The following C15orf40 variants were observed in gnomAD, a reference collection of about 807,000 sequenced individuals.
C15orf40 encodes UPF0235 protein C15orf40.
A neutral mutation model predicts 13.9 loss-of-function variants in C15orf40; 9 were observed. The observed-to-expected ratio is 0.65, with a 90% CI of 0.39 to 1.13. C15orf40 has a LOEUF of 1.13. Among genes scored for constraint, C15orf40 ranks in the 50% most tolerant of loss-of-function variants. C15orf40 has a pLI of 0.01. For synonymous variants in C15orf40, 95 were observed against 69.2 expected, an observed-to-expected ratio of 1.37 and a Z score of -1.85; for missense variants, 225 against 188.5, an observed-to-expected ratio of 1.19 and a Z score of -1.13.
In C15orf40 at chr15:83,001,038, C is replaced by T. The variant is rs546546538; in HGVS notation, c.*4559G>A. On this transcript the variant is annotated 3_prime_UTR_variant, in exon 4 of 4. Transcript: ENST00000304177. ...ATATTGGTCAGGCTGGTCTTAAACT[C>T]CTGACTTCAAGTGATCCACCCGCCT... The T allele has an allele frequency of 1.2e-6, 1 of 850,206 alleles. No homozygotes were observed. The highest frequency in any genetic ancestry group is 1.8e-5 in the African/African-American group (1 of 54,506). The allele number at this position is 850,206 out of a possible 1,614,324, so 52.7% of individuals were successfully genotyped here. A position where few individuals can be genotyped will look rare whatever the true frequency, so the allele number is the denominator to read the frequency against.
downstream of C15orf40, among the ~76,000 whole-genome samples, chr15:82,992,931 TAC>T (rs1334986249): frequency 1.3e-5 from 2 of 152,142 alleles, no homozygotes; most frequent in Non-Finnish European, 2.9e-5. Context: ...AAATAAAAGG[TAC>T]AGTTTCTGCT....
intron 1 of C15orf40, 21 bp downstream of exon 1, chr15:83,011,476 G>T: frequency 6.3e-7 from 1 of 1,588,218 alleles, no homozygotes; most frequent in Non-Finnish European, 8.6e-7. Flanking sequence ...CCCCTCTGCC[G>T]CCACGGGACC....
chr15:82,992,342 C>T (rs779317167), downstream of C15orf40, among the ~76,000 whole-genome samples: 2 of 152,064 alleles, frequency 1.3e-5, no homozygotes, highest in Non-Finnish European at 2.9e-5. Flanking sequence ...ATGGTGAAAT[C>T]CTGTCTCTAT....
At position 83,003,938 on chromosome 15, in the gene C15orf40, G is replaced by A. The variant is rs933448484; in HGVS notation, c.*1659C>T. 6.6e-6 allele frequency: 1 copy of A among 152,086 alleles called. No individual in the cohort carries two copies. The highest frequency in any genetic ancestry group is 2.4e-5 in the African/African-American group (1 of 41,414). The allele number at this position is 152,086 out of a possible 1,614,324, so 9.4% of individuals were successfully genotyped here. A position where few individuals can be genotyped will look rare whatever the true frequency, so the allele number is the denominator to read the frequency against. On this transcript the variant is annotated 3_prime_UTR_variant, in exon 4 of 4. Coordinates refer to ENST00000304177, the MANE Select transcript of C15orf40 (RefSeq NM_144597.3). ...AGTTTTTATATTTTTAGTAGAGATGGGGTTTTACTATGTTGGCCGGGCTGG... is the reference window on the plus strand; with the variant it reads ...AGTTTTTATATTTTTAGTAGAGATGAGGTTTTACTATGTTGGCCGGGCTGG...
rs1445458142 is a variant in C15orf40 at position 83,004,455 on chromosome 15, G to A, written c.*1142C>T. 4 of 844,964 alleles carry A rather than the reference G, an allele frequency of 4.7e-6. No homozygotes were observed. In the South Asian group the frequency reaches 2.2e-4, roughly 46 times the overall value. 52.3% of individuals were successfully genotyped at this position (844,964 alleles called of 1,614,324 possible). A position where few individuals can be genotyped will look rare whatever the true frequency, so the allele number is the denominator to read the frequency against. ...ATAAATTACTATAACTTGACCTGAA[G>A]ATGTAAAAATATATTATTAGCTTTT... On this transcript the variant is annotated 3_prime_UTR_variant, in exon 4 of 4. Transcript: ENST00000304177.
Position 82,998,032 on chromosome 15 carries a change from C to G in C15orf40, c.*7565G>C, listed in dbSNP as rs1308460746. ...GGGGCTGACCCCCCCACCTCCCTCC[C>G]GGACGGGGCGGCTGACCCCCCATCT... On this transcript the variant is annotated 3_prime_UTR_variant, in exon 4 of 4. Coordinates refer to ENST00000304177, the MANE Select transcript of C15orf40 (RefSeq NM_144597.3). The G allele has an allele frequency of 6.8e-6, 1 of 146,080 alleles. No homozygotes were observed. Among genetic ancestry groups the G allele is most frequent in the Non-Finnish European group, 1.5e-5 (1 of 67,016 alleles). The allele number at this position is 146,080 out of a possible 1,614,324, so 9.0% of individuals were successfully genotyped here. A position where few individuals can be genotyped will look rare whatever the true frequency, so the allele number is the denominator to read the frequency against.
intron 2 of C15orf40, among the ~76,000 whole-genome samples, chr15:83,009,529 G>A (rs886668659): frequency 2.6e-5 from 4 of 152,182 alleles, no homozygotes; most frequent in African/African-American, 7.2e-5. Flanking sequence ...GAGCTTTAGA[G>A]GTGAAAAAGA....
chr15:83,001,047 A>T lies in C15orf40; in HGVS notation c.*4550T>A. 1.1e-6 allele frequency: 1 copy of T among 910,816 alleles called. No individual in the cohort carries two copies. Among genetic ancestry groups the T allele is most frequent in the Non-Finnish European group, 1.3e-6 (1 of 761,800 alleles). The allele number at this position is 910,816 out of a possible 1,614,324, so 56.4% of individuals were successfully genotyped here. A position where few individuals can be genotyped will look rare whatever the true frequency, so the allele number is the denominator to read the frequency against. Reference sequence around the variant, plus strand: ...AGGCTGGTCTTAAACTCCTGACTTCAAGTGATCCACCCGCCTCAGCCTCCC... The same window carrying T: ...AGGCTGGTCTTAAACTCCTGACTTCTAGTGATCCACCCGCCTCAGCCTCCC... On this transcript the variant is annotated 3_prime_UTR_variant, in exon 4 of 4. Transcript: ENST00000304177.
At chr15:82,993,887 G>T (rs978356803), downstream of C15orf40, among the ~76,000 whole-genome samples, 1 of 152,226 alleles carries the variant, frequency 6.6e-6, no homozygotes. Flanking sequence ...AATGTCAAAT[G>T]TTAATTACTG....
At chr15:82,989,892 A>G (rs1235048179), downstream of C15orf40, 1 of 1,612,516 alleles carries the variant, frequency 6.2e-7, no homozygotes, top group Admixed American at 1.7e-5. Context: ...TTGCAAGACA[A>G]CAGACAGTTC....
chr15:82,992,153 A>T, downstream of C15orf40: 1 of 365,496 alleles, frequency 2.7e-6, no homozygotes. Flanking sequence ...GAAGAGTTCA[A>T]GACTACAGTG....
downstream of C15orf40, among the ~76,000 whole-genome samples, chr15:82,993,927 C>A (rs2030955608): frequency 6.6e-6 from 1 of 152,120 alleles, no homozygotes. Flanking sequence ...CTTTTGAGAA[C>A]AGGATGCTGG....
At chr15:83,010,035 C>T (rs569525190) in intron 2 of C15orf40, among the ~76,000 whole-genome samples, 4 of 152,310 alleles carry the variant, frequency 2.6e-5, no homozygotes, top group South Asian at 2.1e-4. Flanking sequence ...CAATGGTTTT[C>T]GTGTAACTTG....
chr15:82,989,325 A>G (rs2030759175), downstream of C15orf40: 3 of 671,336 alleles, frequency 4.5e-6, no homozygotes, highest in Non-Finnish European at 6.8e-6. Flanking sequence ...AGTACCTGGT[A>G]CATCATTTCT....
chr15:82,998,776 G>C lies in C15orf40; in HGVS notation c.*6821C>G, dbSNP rs1343202507. The C allele has an allele frequency of 1.5e-5, 1 of 65,688 alleles. No individual in the cohort carries two copies. The highest frequency in any genetic ancestry group is 2.8e-5 in the Non-Finnish European group (1 of 35,388). 4.1% of individuals were successfully genotyped at this position (65,688 alleles called of 1,614,324 possible). ...TCACTTCCCAGACGGGGTGGCGGCC[G>C]GGCAGAGGCTGCAATCTCGGCACTT... On this transcript the variant is annotated 3_prime_UTR_variant, in exon 4 of 4. Coordinates refer to ENST00000304177, the MANE Select transcript of C15orf40 (RefSeq NM_144597.3).
intron 2 of C15orf40, among the ~76,000 whole-genome samples, chr15:83,009,219 A>C (rs1481912651): frequency 6.6e-6 from 1 of 152,254 alleles, no homozygotes; most frequent in Non-Finnish European, 1.5e-5. Flanking sequence ...CACCAATTTT[A>C]AGCACACACA....
At chr15:83,006,762 C>T (rs2031708114) in intron 3 of C15orf40, among the ~76,000 whole-genome samples, 1 of 152,066 alleles carries the variant, frequency 6.6e-6, no homozygotes, top group Admixed American at 6.6e-5. Context: ...GCGAAAACAC[C>T]GTCCCAAAAG....
rs2031081657 is a variant in C15orf40, at chr15:82,996,480, A to C, written c.*9117T>G. The C allele has an allele frequency of 6.6e-6, 1 of 151,974 alleles. No homozygotes were observed. The highest frequency in any genetic ancestry group is 2.4e-5 in the African/African-American group (1 of 41,350). The allele number at this position is 151,974 out of a possible 1,614,324, so 9.4% of individuals were successfully genotyped here. On this transcript the variant is annotated 3_prime_UTR_variant, in exon 4 of 4. Transcript: ENST00000304177. ...ACGGTGAAACCCCGTCTCTACTAAA[A>C]ATACAAAAAGAAATTAGCCGGGCGT...
chr15:82,990,773 AAAAT>A (rs1187061287), downstream of C15orf40: 1 of 789,788 alleles, frequency 1.3e-6, no homozygotes, highest in East Asian at 2.7e-5. Flanking sequence ...ATAGCAGGTC[AAAAT>A]TCACACATAA....
Sources: allele counts gnomAD v4.1 joint callset (sites outside exome capture counted in the v4.1 genomes callset), GRCh38; gene constraint gnomAD v4.1.1; transcripts MANE v1.5; gene names NCBI Gene and HGNC (gene_info 2026-07-23, HGNC 2026-07-21).